The following DPRX variants were observed in gnomAD, a reference collection of about 807,000 sequenced individuals.
DPRX encodes divergent-paired related homeobox.
DPRX carries 11 observed loss-of-function variants against 8.4 expected under a neutral mutation model. The ratio of observed to expected loss-of-function variants is 1.31; its 90% CI spans 0.82 to 2.17. The LOEUF (loss-of-function observed/expected upper bound fraction) is 2.17. DPRX is among the 30% of genes most tolerant of loss of function. DPRX has a pLI of 0.00. For synonymous variants in DPRX, 72 were observed against 87.0 expected (o/e 0.83, Z 0.96); for missense variants, 211 against 236.7 (o/e 0.89, Z 0.71).
the DPRX span, among the ~76,000 whole-genome samples, chr19:53,624,365 A>C: frequency 6.7e-6 from 1 of 149,858 alleles, no homozygotes; most frequent in Non-Finnish European, 1.5e-5. Context: ...CTGGGATTAC[A>C]GGCACAGGGA....
the DPRX span, among the ~76,000 whole-genome samples, chr19:53,624,915 G>C: frequency 4.0e-5 from 6 of 151,798 alleles, no homozygotes; most frequent in Non-Finnish European, 8.8e-5. Flanking sequence ...CGTGTTCCCG[G>C]TGGTATGGTC....
chr19:53,628,706 C>T (rs2091079978), upstream of DPRX, among the ~76,000 whole-genome samples: 1 of 151,948 alleles, frequency 6.6e-6, no homozygotes, highest in African/African-American at 2.4e-5. Context: ...TGTCCTGCCT[C>T]AGCTTCCCGA....
At chr19:53,633,186 G>A (rs2091099662) in intron 1 of DPRX, among the ~76,000 whole-genome samples, 2 of 152,244 alleles carry the variant, frequency 1.3e-5, no homozygotes, top group South Asian at 2.1e-4. Flanking sequence ...CCAGCTACTC[G>A]GGAGGCTGAG....
chr19:53,620,320 T>C, the DPRX span, among the ~76,000 whole-genome samples: 67 of 151,862 alleles, frequency 4.4e-4, no homozygotes, highest in South Asian at 2.3e-3. Flanking sequence ...CCGCCCACCT[T>C]GGCCTCCCAA....
chr19:53,624,970 TC>T, the DPRX span, among the ~76,000 whole-genome samples: 1 of 151,206 alleles, frequency 6.6e-6, no homozygotes, highest in Non-Finnish European at 1.5e-5. Flanking sequence ...CACTGCCCTC[TC>T]CGGGGGAAAG....
the DPRX span, among the ~76,000 whole-genome samples, chr19:53,614,084 G>C: frequency 0.23 from 35,544 of 151,734 alleles, 4,265 homozygotes; most frequent in Middle Eastern, 0.36. Context: ...CCCAAGTGCT[G>C]GGACTACAGG....
At chr19:53,621,824 T>C in the DPRX span, among the ~76,000 whole-genome samples, 42 of 152,172 alleles carry the variant, frequency 2.8e-4, no homozygotes, top group Middle Eastern at 3.4e-3. Flanking sequence ...AAAAAATAGT[T>C]TCTGCACATT....
intron 2 of DPRX, among the ~76,000 whole-genome samples, chr19:53,635,987 A>T (rs944216599): frequency 1.3e-5 from 2 of 152,104 alleles, no homozygotes; most frequent in Non-Finnish European, 2.9e-5. Context: ...CTGGGAGTAG[A>T]TTGAGTAGGG....
rs73053697 is a variant in DPRX at position 53,635,388 on chromosome 19, T to C, written c.183+703T>C. Among the ~76,000 whole-genome samples the C allele has an allele frequency of 3.4e-3, 513 of 152,238 alleles. 1 individual carries two copies. The highest frequency in any genetic ancestry group is 0.02 in the East Asian group (103 of 5,178). On this transcript the variant is annotated intron_variant, in intron 2 of 2. Coordinates refer to ENST00000376650, the Ensembl canonical transcript of DPRX. ...AGACAGGGTGTTGCTCTTGCCCACA[T>C]TGGAGTGCAGTGGCACGATCATAGC...
chr19:53,608,357 G>A, the DPRX span: 1 of 152,444 alleles, frequency 6.6e-6, no homozygotes, highest in Non-Finnish European at 1.5e-5. Flanking sequence ...GATGAAGCCG[G>A]AGAAGATGAC....
upstream of DPRX, among the ~76,000 whole-genome samples, chr19:53,631,653 G>A (rs1352627863): frequency 6.6e-6 from 1 of 152,014 alleles, no homozygotes; most frequent in Non-Finnish European, 1.5e-5. Flanking sequence ...TCAGCTACTC[G>A]GGAGGCTGAG....
the DPRX span, chr19:53,606,650 CGGTG>C: frequency 1.3e-5 from 2 of 151,724 alleles, no homozygotes; most frequent in Non-Finnish European, 1.5e-5. The surrounding 1 kb of genome is among the most constrained non-coding windows in gnomAD (Gnocchi z 4.8). Flanking sequence ...AGGGTGGAGG[CGGTG>C]AGGGTGGAGG....
At chr19:53,620,497 G>T in the DPRX span, among the ~76,000 whole-genome samples, 1 of 151,746 alleles carries the variant, frequency 6.6e-6, no homozygotes, top group Non-Finnish European at 1.5e-5. Context: ...TGAGCAGCTG[G>T]GATTACAGAC....
At chr19:53,610,730 T>A in the DPRX span, among the ~76,000 whole-genome samples, 5 of 151,948 alleles carry the variant, frequency 3.3e-5, no homozygotes, top group African/African-American at 1.2e-4. Flanking sequence ...ACATTACGAG[T>A]TTGTTTGTGA....
the DPRX span, among the ~76,000 whole-genome samples, chr19:53,604,952 A>G: frequency 1.3e-5 from 2 of 152,168 alleles, no homozygotes; most frequent in Non-Finnish European, 2.9e-5. Flanking sequence ...TGATTATTAC[A>G]TCTTGTATAC....
At chr19:53,627,518 C>T (rs2091076102), upstream of DPRX, among the ~76,000 whole-genome samples, 1 of 149,072 alleles carries the variant, frequency 6.7e-6, no homozygotes, top group African/African-American at 2.5e-5. Flanking sequence ...CTCACTGCAA[C>T]CTCTGCCTCC....
At chr19:53,602,535 A>ATTT in the DPRX span, among the ~76,000 whole-genome samples, 87 of 124,182 alleles carry the variant, frequency 7.0e-4, no homozygotes, top group African/African-American at 2.5e-3. Context: ...AATTTTTTGT[A>ATTT]TTTTTTTTTT....
the DPRX span, among the ~76,000 whole-genome samples, chr19:53,602,375 T>C: frequency 1.3e-5 from 2 of 151,218 alleles, no homozygotes; most frequent in Non-Finnish European, 3.0e-5. Context: ...TTTTTTTTTT[T>C]TGAGATGCAG....
chr19:53,609,226 G>C, the DPRX span, among the ~76,000 whole-genome samples: 1 of 151,670 alleles, frequency 6.6e-6, no homozygotes, highest in African/African-American at 2.4e-5. Flanking sequence ...CCAGCACTTT[G>C]GGAGGCCAAG....
Sources: gnomAD v4.1 joint callset for allele counts (sites outside exome capture counted in the v4.1 genomes callset) on GRCh38, gnomAD v4.1.1 for gene constraint, Gnocchi (gnomAD v3.1) non-coding constraint, MANE v1.5 for transcripts, NCBI Gene and HGNC (gene_info 2026-07-23, HGNC 2026-07-21) for gene names.